Variants in WNT2 observed in about 807,000 individuals in gnomAD.
WNT2 encodes the protein protein Wnt-2.
WNT2 carries 12 observed loss-of-function variants against 36.9 expected under a neutral mutation model. The ratio of observed to expected loss-of-function variants is 0.33; its 90% CI spans 0.21 to 0.53. The LOEUF (loss-of-function observed/expected upper bound fraction) is 0.53. Ranked by LOEUF, WNT2 falls within the 20% of genes least tolerant of loss-of-function variation. WNT2 has a pLI of 0.95. For synonymous variants in WNT2, 163 were observed against 174.6 expected (o/e 0.93, Z 0.52); for missense variants, 379 against 473.1 (o/e 0.80, Z 1.84).
At chr7:117,279,660 C>G (rs1794445686) in intron 4 of WNT2, among the ~76,000 whole-genome samples, 1 of 152,140 alleles carries the variant, frequency 6.6e-6, no homozygotes, top group Non-Finnish European at 1.5e-5. Context: ...TTCCATTTCT[C>G]CCTGAGGCCT....
chr7:117,291,194 C>T (rs893133442), intron 4 of WNT2, among the ~76,000 whole-genome samples: 6 of 152,190 alleles, frequency 3.9e-5, no homozygotes, highest in Non-Finnish European at 7.3e-5. Context: ...GGTGCTTACA[C>T]CATTCACAGC....
chr7:117,312,590 A>T (rs1208828306), intron 3 of WNT2, among the ~76,000 whole-genome samples: 1 of 152,250 alleles, frequency 6.6e-6, no homozygotes, highest in South Asian at 2.1e-4. Flanking sequence ...CTGATAGAAT[A>T]TTTGTTTTGA....
chr7:117,318,830 T>A (rs1473560749), intron 2 of WNT2, among the ~76,000 whole-genome samples: 1 of 152,200 alleles, frequency 6.6e-6, no homozygotes, highest in Non-Finnish European at 1.5e-5. Flanking sequence ...ACCTCCTTCA[T>A]CTCAGCAATT....
chr7:117,282,900 C>T (rs1045979966), intron 4 of WNT2, among the ~76,000 whole-genome samples: 33 of 151,912 alleles, frequency 2.2e-4, no homozygotes, highest in East Asian at 7.7e-4. Flanking sequence ...GGAACTGGAG[C>T]GGTTACTAGA....
intron 3 of WNT2, among the ~76,000 whole-genome samples, chr7:117,307,166 G>A (rs377018008): frequency 1.3e-5 from 2 of 152,194 alleles, no homozygotes; most frequent in East Asian, 3.9e-4. Flanking sequence ...TACATGCATT[G>A]TGTAGGCTAG....
chr7:117,285,074 T>C (rs1180289281), intron 4 of WNT2, among the ~76,000 whole-genome samples: 10 of 152,254 alleles, frequency 6.6e-5, no homozygotes, highest in Non-Finnish European at 7.3e-5. Context: ...TCTCTTCTAA[T>C]TCTTTTATCA....
Position 117,289,203 on chromosome 7 carries a change from G to A in WNT2, c.853+8409C>T, listed in dbSNP as rs940171705. Among the ~76,000 whole-genome samples the A allele has an allele frequency of 8.6e-5, 13 of 151,926 alleles. No homozygotes were observed. The East Asian group carries it at 1.6e-3, about 18-fold the overall frequency. On this transcript the variant is annotated intron_variant, in intron 4 of 4. Coordinates refer to ENST00000265441, the MANE Select transcript of WNT2 (RefSeq NM_003391.3). ...CTCCTGAGTAGCTGGGACTACAGGC[G>A]CCCACCACAACGCCCGGCTAATTTT...
intron 4 of WNT2, among the ~76,000 whole-genome samples, chr7:117,285,262 A>G (rs915935639): frequency 6.6e-6 from 1 of 152,176 alleles, no homozygotes; most frequent in Non-Finnish European, 1.5e-5. Flanking sequence ...TGATATTCCT[A>G]CTGGATGCCT....
intron 4 of WNT2, among the ~76,000 whole-genome samples, chr7:117,279,970 G>T (rs924009763): frequency 1.3e-5 from 2 of 152,052 alleles, no homozygotes; most frequent in Admixed American, 6.6e-5. Context: ...GCTCTGTGTT[G>T]GAATTATCTA....
chr7:117,291,886 T>A (rs1413017909), intron 4 of WNT2, among the ~76,000 whole-genome samples: 1 of 152,102 alleles, frequency 6.6e-6, no homozygotes, highest in Non-Finnish European at 1.5e-5. Context: ...CAAGCAATTC[T>A]CCTGACTCAG....
intron 3 of WNT2, among the ~76,000 whole-genome samples, chr7:117,314,463 A>T (rs1795177056): frequency 6.6e-6 from 1 of 152,284 alleles, no homozygotes; most frequent in African/African-American, 2.4e-5. Flanking sequence ...CACTGACTGG[A>T]GCCCAGGAAG....
chr7:117,313,356 T>G (rs1795157710), intron 3 of WNT2, among the ~76,000 whole-genome samples: 1 of 152,256 alleles, frequency 6.6e-6, no homozygotes, highest in Non-Finnish European at 1.5e-5. Context: ...TGTGCACTTT[T>G]ATTCCAATCA....
intron 2 of WNT2, among the ~76,000 whole-genome samples, chr7:117,318,188 C>G (rs891282993): frequency 1.1e-4 from 16 of 152,192 alleles, no homozygotes; most frequent in African/African-American, 3.6e-4. Context: ...CTTTGCCTTT[C>G]CTATTCATCT....
rs919530037 is a variant in WNT2, at chr7:117,277,997, C to T, written c.*158G>A. The T allele has an allele frequency of 9.3e-6, 7 of 752,580 alleles. No homozygotes were observed. Among genetic ancestry groups the T allele is most frequent in the African/African-American group, 3.5e-5 (2 of 56,592 alleles). The allele number at this position is 752,580 out of a possible 1,614,324, so 46.6% of individuals were successfully genotyped here. On this transcript the variant is annotated 3_prime_UTR_variant, in exon 5 of 5. Transcript: ENST00000265441. ...CTTTAGGTGCAGCGTGTGGCCCCCC[C>T]ATCCTGGGGCCCCCAGGGAGGAAGA... is the stretch of plus-strand genomic sequence containing the variant.
At chr7:117,304,975 G>C (rs527724865) in intron 3 of WNT2, among the ~76,000 whole-genome samples, 1 of 152,206 alleles carries the variant, frequency 6.6e-6, no homozygotes, top group East Asian at 1.9e-4. Flanking sequence ...TTGTGTGCCT[G>C]GGTTCTTTCT....
At chr7:117,293,886 C>G (rs957935219) in intron 4 of WNT2, among the ~76,000 whole-genome samples, 3 of 152,080 alleles carry the variant, frequency 2.0e-5, no homozygotes, top group African/African-American at 7.2e-5. Context: ...GAGTGAAAGG[C>G]AGCTTTAAGG....
intron 3 of WNT2, among the ~76,000 whole-genome samples, chr7:117,312,097 A>G (rs996055465): frequency 6.6e-6 from 1 of 152,202 alleles, no homozygotes; most frequent in Non-Finnish European, 1.5e-5. Flanking sequence ...ACATTTAAAG[A>G]AGTTGTGATT....
chr7:117,303,622 A>AT (rs1271164515), intron 3 of WNT2, among the ~76,000 whole-genome samples: 3 of 152,236 alleles, frequency 2.0e-5, no homozygotes, highest in Admixed American at 6.5e-5. Flanking sequence ...TATTTGGATG[A>AT]TAAAAGAATG....
intron 3 of WNT2, among the ~76,000 whole-genome samples, chr7:117,309,719 T>C (rs1052184810): frequency 6.6e-6 from 1 of 152,152 alleles, no homozygotes; most frequent in Non-Finnish European, 1.5e-5. Flanking sequence ...CAGGGCCTTA[T>C]CCTCCATAAT....
Sources: gnomAD v4.1 joint callset for allele counts (sites outside exome capture counted in the v4.1 genomes callset) on GRCh38, gnomAD v4.1.1 for gene constraint, MANE v1.5 for transcripts, NCBI Gene and HGNC (gene_info 2026-07-23, HGNC 2026-07-21) for gene names.